The following FANCL variants were observed in gnomAD, a reference collection of about 807,000 sequenced individuals.
FANCL encodes the protein FA complementation group L, also known as E3 ubiquitin-protein ligase FANCL.
A neutral mutation model predicts 59.4 loss-of-function variants in FANCL; 69 were observed. That is an observed-to-expected ratio of 1.16 (90% CI 0.96 to 1.42). FANCL has a LOEUF of 1.42. FANCL is among the 40% of genes most tolerant of loss of function. The probability of loss-of-function intolerance (pLI) is 0.00; values close to 1 mark genes in which losing one functional copy is unlikely to be tolerated. For synonymous variants in FANCL, 180 were observed against 147.1 expected, an observed-to-expected ratio of 1.22 and a Z score of -1.62; for missense variants, 519 against 447.2, an observed-to-expected ratio of 1.16 and a Z score of -1.45.
intron 7 of FANCL, among the ~76,000 whole-genome samples, chr2:58,169,182 T>A (rs1393362199): frequency 1.3e-5 from 2 of 152,166 alleles, no homozygotes; most frequent in Admixed American, 1.3e-4. Flanking sequence ...AGGATGGCCC[T>A]CTGGGACGAA....
intron 7 of FANCL, among the ~76,000 whole-genome samples, chr2:58,193,028 C>G (rs1689088276): frequency 1.3e-5 from 2 of 151,718 alleles, no homozygotes; most frequent in South Asian, 4.1e-4. Context: ...TTTTAAAATA[C>G]TTAAGAAAAA....
At chr2:58,177,722 G>A (rs1687491160) in intron 7 of FANCL, among the ~76,000 whole-genome samples, 1 of 150,880 alleles carries the variant, frequency 6.6e-6, no homozygotes, top group Admixed American at 6.6e-5. Flanking sequence ...CATGGCACAT[G>A]TATACATATG....
intron 6 of FANCL, among the ~76,000 whole-genome samples, chr2:58,201,002 G>A (rs1188548176): frequency 6.7e-6 from 1 of 150,224 alleles, no homozygotes; most frequent in Non-Finnish European, 1.5e-5. Flanking sequence ...TAACAGTACA[G>A]AGCTTAAAAA....
chr2:58,181,972 A>G (rs1042980996), intron 7 of FANCL, among the ~76,000 whole-genome samples: 4 of 151,704 alleles, frequency 2.6e-5, no homozygotes, highest in South Asian at 4.1e-4. Context: ...TATATTTAAA[A>G]CCCTCTCTAA....
chr2:58,160,454 T>G (rs1684979372), intron 12 of FANCL, among the ~76,000 whole-genome samples: 1 of 152,028 alleles, frequency 6.6e-6, no homozygotes, highest in Admixed American at 6.6e-5. Flanking sequence ...GAATTACGCA[T>G]TTTCTTTATC....
rs1436636039 is a variant in FANCL, at chr2:58,186,057, A to G, written c.540+12537T>C. On this transcript the variant is annotated intron_variant, in intron 7 of 13. Transcript: ENST00000233741. Reference sequence around the variant, plus strand: ...GTCACAGAAAATTTTTCAAATAGTGACAAGTCAAAGGAAGCCGACAGCAAC... The same window carrying G: ...GTCACAGAAAATTTTTCAAATAGTGGCAAGTCAAAGGAAGCCGACAGCAAC... Among the ~76,000 whole-genome samples, 3 of 152,192 alleles carry G rather than the reference A, an allele frequency of 2.0e-5. No homozygotes were observed. The East Asian group carries it at 5.8e-4, about 29-fold the overall frequency.
At chr2:58,221,848 A>G (rs1692510002) in intron 5 of FANCL, 94 bp downstream of exon 5, 2 of 837,792 alleles carry the variant, frequency 2.4e-6, no homozygotes, top group Admixed American at 4.1e-5. Flanking sequence ...AAACACTTTG[A>G]CTAAAATCAG....
At chr2:58,238,303 G>C (rs1694207782) in intron 1 of FANCL, among the ~76,000 whole-genome samples, 1 of 152,150 alleles carries the variant, frequency 6.6e-6, no homozygotes, top group South Asian at 2.1e-4. Flanking sequence ...CAAATATCTT[G>C]ATTGCAAGAT....
chr2:58,178,062 G>A (rs1350313550), intron 7 of FANCL, among the ~76,000 whole-genome samples: 1 of 152,086 alleles, frequency 6.6e-6, no homozygotes, highest in Non-Finnish European at 1.5e-5. Context: ...TCCCGAAATA[G>A]ATCGATAACA....
intron 7 of FANCL, among the ~76,000 whole-genome samples, chr2:58,188,784 G>C (rs1232823050): frequency 6.7e-6 from 1 of 148,796 alleles, no homozygotes; most frequent in Non-Finnish European, 1.5e-5. Context: ...AAAAAAAAAA[G>C]AGCTGTTGGG....
At chr2:58,172,971 TG>T (rs1479544372) in intron 7 of FANCL, among the ~76,000 whole-genome samples, 2 of 152,088 alleles carry the variant, frequency 1.3e-5, no homozygotes, top group Admixed American at 6.5e-5. Flanking sequence ...AGCCAAGACT[TG>T]AGAACTACGT....
At chr2:58,213,404 A>T (rs1691376401) in intron 5 of FANCL, 1 of 152,220 alleles carries the variant, frequency 6.6e-6, no homozygotes, top group Non-Finnish European at 1.5e-5. Flanking sequence ...AAGCCATAAA[A>T]ATAAAGTTGA....
rs531434334 is a variant in FANCL, at chr2:58,206,081, T to C, written c.375-1855A>G. Reference sequence around the variant, plus strand: ...ATTTAAAATGAAGAATTGACAAAAATTGGGAAGTAGAAATGGGAAAGATAC... The same window carrying C: ...ATTTAAAATGAAGAATTGACAAAAACTGGGAAGTAGAAATGGGAAAGATAC... On this transcript the variant is annotated intron_variant, in intron 5 of 13. Transcript: ENST00000233741. Among the ~76,000 whole-genome samples the C allele has an allele frequency of 2.1e-3, 316 of 151,988 alleles. 4 individuals are homozygous for C. Among genetic ancestry groups the C allele is most frequent in the African/African-American group, 7.4e-3 (307 of 41,486 alleles).
At chr2:58,237,032 TCTCA>T (rs1226292163) in intron 1 of FANCL, among the ~76,000 whole-genome samples, 3 of 152,052 alleles carry the variant, frequency 2.0e-5, no homozygotes, top group Non-Finnish European at 4.4e-5. Flanking sequence ...CAACACCCCC[TCTCA>T]CTAACTGATA....
At chr2:58,181,341 A>G (rs1301036877) in intron 7 of FANCL, among the ~76,000 whole-genome samples, 1 of 152,064 alleles carries the variant, frequency 6.6e-6, no homozygotes, top group Non-Finnish European at 1.5e-5. Context: ...TATCTGGAAT[A>G]GACATAACTA....
intron 5 of FANCL, among the ~76,000 whole-genome samples, chr2:58,212,209 C>T (rs901496321): frequency 3.3e-5 from 5 of 152,206 alleles, no homozygotes; most frequent in African/African-American, 1.2e-4. Flanking sequence ...CAAGTCCCAT[C>T]TTACATGGAT....
intron 7 of FANCL, among the ~76,000 whole-genome samples, chr2:58,194,024 A>G (rs1322812858): frequency 6.6e-6 from 1 of 151,476 alleles, no homozygotes. Flanking sequence ...TTAATTACAA[A>G]TTCTTCATTC....
rs912566902 is a variant in FANCL, at chr2:58,204,299, T to C, written c.375-73A>G. ...AGAGGGGAACTGGAGATGGTTGAAT[T>C]TGAAATGAAAATATTTGCTATATTC... On this transcript the variant is annotated intron_variant, in intron 5 of 13. Coordinates refer to ENST00000233741, the MANE Select transcript of FANCL (RefSeq NM_018062.4). 28 of 1,117,160 alleles carry C rather than the reference T, an allele frequency of 2.5e-5. No individual in the cohort carries two copies. The African/African-American group carries it at 3.5e-4, about 14-fold the overall frequency. The allele number at this position is 1,117,160 out of a possible 1,614,324, so 69.2% of individuals were successfully genotyped here. A position where few individuals can be genotyped will look rare whatever the true frequency, so the allele number is the denominator to read the frequency against.
intron 7 of FANCL, among the ~76,000 whole-genome samples, chr2:58,182,973 A>C (rs1184520832): frequency 2.0e-5 from 3 of 151,838 alleles, no homozygotes; most frequent in African/African-American, 7.2e-5. Context: ...AAATAGTGTT[A>C]ATCCTCACAA....
Sources: gnomAD v4.1 joint callset for allele counts (sites outside exome capture counted in the v4.1 genomes callset) on GRCh38, gnomAD v4.1.1 for gene constraint, MANE v1.5 for transcripts, NCBI Gene and HGNC (gene_info 2026-07-23, HGNC 2026-07-21) for gene names.